Variants in IL10RA observed in about 807,000 individuals in gnomAD.
IL10RA encodes interleukin-10 receptor subunit alpha.
In IL10RA, 18 loss-of-function variants were observed where a neutral mutation model predicts 29.6. That is an observed-to-expected ratio of 0.61 (90% confidence interval 0.42 to 0.90). The LOEUF (loss-of-function observed/expected upper bound fraction) is 0.90, where lower values mean the gene tolerates loss of function less well. Ranked by LOEUF, IL10RA falls within the 40% of genes least tolerant of loss-of-function variation. The pLI, the probability that IL10RA is intolerant of heterozygous loss-of-function variation, is 0.00. For synonymous variants in IL10RA, 292 were observed against 294.1 expected (o/e 0.99, Z 0.07); for missense variants, 634 against 716.6 (o/e 0.88, Z 1.32).
rs752985366 is a variant in IL10RA at position 118,000,278 on chromosome 11, G to A, written c.*637G>A. ...GATTCACTGAGGGGAGACAAAGGGAGCCGAGACCCTGGATGGGGCTTCCAG... is the reference window on the plus strand; with the variant it reads ...GATTCACTGAGGGGAGACAAAGGGAACCGAGACCCTGGATGGGGCTTCCAG... On this transcript the variant is annotated 3_prime_UTR_variant, in exon 7 of 7. Transcript: ENST00000227752. 2 of 454,224 alleles carry A rather than the reference G, an allele frequency of 4.4e-6. No individual in the cohort carries two copies. The highest frequency in any genetic ancestry group is 1.6e-5 in the South Asian group (1 of 64,472). The allele number at this position is 454,224 out of a possible 1,614,324, so 28.1% of individuals were successfully genotyped here.
chr11:117,993,916 C>A, intron 4 of IL10RA, 83 bp from the exon 5 acceptor site: 1 of 1,230,442 alleles, frequency 8.1e-7, no homozygotes, highest in Non-Finnish European at 1.2e-6. Context: ...TGGCTGAAAT[C>A]ACCTCTAAAG....
intron 6 of IL10RA, among the ~76,000 whole-genome samples, chr11:117,998,251 C>T (rs2058068673): frequency 6.6e-6 from 1 of 152,178 alleles, no homozygotes; most frequent in Non-Finnish European, 1.5e-5. Flanking sequence ...GCAGAAATAT[C>T]GTGGCACAGC....
In IL10RA at chr11:118,001,258, G is replaced by A. The variant is rs779325158; in HGVS notation, c.*1617G>A. On this transcript the variant is annotated 3_prime_UTR_variant, in exon 7 of 7. Coordinates refer to ENST00000227752, the MANE Select transcript of IL10RA (RefSeq NM_001558.4). The stretch of plus-strand genomic sequence containing the variant: ...GAATTCTGGATATCTCAGGAGCCCC[G>A]AAATTCTAGCTCTGACTTTGCTGTT... 1.1e-5 allele frequency: 5 copies of A among 454,002 alleles called. No homozygotes were observed. Among genetic ancestry groups the A allele is most frequent in the South Asian group, 3.1e-5 (2 of 64,480 alleles). 28.1% of individuals were successfully genotyped at this position (454,002 alleles called of 1,614,324 possible).
chr11:117,995,569 A>G lies in IL10RA; in HGVS notation c.689-20A>G. Reference sequence around the variant, plus strand: ...TGCCCCATGGTGACAGGCCACAAACACATCTCTCTGGGCCTGCAGATTTCA... The same window carrying G: ...TGCCCCATGGTGACAGGCCACAAACGCATCTCTCTGGGCCTGCAGATTTCA... On this transcript the variant is annotated intron_variant, in intron 5 of 6. Transcript: ENST00000227752. 3.1e-6 allele frequency: 5 copies of G among 1,614,132 alleles called. No homozygotes were observed. Among genetic ancestry groups the G allele is most frequent in the Non-Finnish European group, 4.2e-6 (5 of 1,180,020 alleles).
At chr11:117,988,222 C>A in intron 1 of IL10RA, 160 bp from the exon 2 acceptor site, 1 of 821,200 alleles carries the variant, frequency 1.2e-6, no homozygotes, top group Non-Finnish European at 2.0e-6. Context: ...GCTCTAGAAT[C>A]AGACACATGT....
At chr11:117,986,889 AT>A in intron 1 of IL10RA, 2 of 1,285,472 alleles carry the variant, frequency 1.6e-6, no homozygotes, top group Non-Finnish European at 2.1e-6. Flanking sequence ...AATAATTTTG[AT>A]CTCCTGACTC....
At chr11:117,990,221 T>C (rs1591261982) in intron 3 of IL10RA, among the ~76,000 whole-genome samples, 1 of 152,204 alleles carries the variant, frequency 6.6e-6, no homozygotes, top group African/African-American at 2.4e-5. Context: ...GGCTTCCAAA[T>C]GCCTGCCCAC....
chr11:117,989,834 T>C lies in IL10RA; in HGVS notation c.367+214T>C, dbSNP rs148110829. The C allele has an allele frequency of 5.4e-5, 34 of 625,246 alleles. No individual in the cohort carries two copies. The East Asian group carries it at 9.5e-4, about 17-fold the overall frequency. 38.7% of individuals were successfully genotyped at this position (625,246 alleles called of 1,614,324 possible). A position where few individuals can be genotyped will look rare whatever the true frequency, so the allele number is the denominator to read the frequency against. On this transcript the variant is annotated intron_variant, in intron 3 of 6. Transcript: ENST00000227752. This position sits in a 1 kb window ranked among gnomAD's most constrained non-coding sequence, Gnocchi z 4.5. ...TTTAAAAGGGAACTGGAGTTGTTTA[T>C]CCTACAGAAGAGAGGTCTTGGGGTG... is the stretch of plus-strand genomic sequence containing the variant.
chr11:118,001,635 G>A, downstream of IL10RA: 1 of 349,926 alleles, frequency 2.9e-6, no homozygotes, highest in Non-Finnish European at 5.6e-6. Flanking sequence ...GACCCAGGGA[G>A]TCCTCATGCT....
Position 117,999,221 on chromosome 11 carries a change from T to C in IL10RA, c.1317T>C (p.Ala439=). The change falls in exon 7 of 7, where the codon GCT becomes GCC. Residue 439 remains alanine, a synonymous_variant. Coordinates refer to ENST00000227752, the MANE Select transcript of IL10RA (RefSeq NM_001558.4). ...EPEVPGEEDP[A]AVAFQGYLRQ... ...AGGTGCCTGGGGAAGAAGACCCAGC[T>C]GCTGTGGCATTCCAGGGTTACCTGA... is the stretch of plus-strand genomic sequence containing the variant. 1 of 1,614,242 alleles carries C rather than the reference T, an allele frequency of 6.2e-7. No individual in the cohort carries two copies. Among genetic ancestry groups the C allele is most frequent in the Non-Finnish European group, 8.5e-7 (1 of 1,180,028 alleles).
chr11:117,991,607 T>C (rs1259584100), intron 3 of IL10RA, among the ~76,000 whole-genome samples: 1 of 152,236 alleles, frequency 6.6e-6, no homozygotes, highest in Non-Finnish European at 1.5e-5. Context: ...CTTCTATGAA[T>C]TGAATTCTAA....
intron 3 of IL10RA, 110 bp from the exon 4 acceptor site, chr11:117,993,131 C>A: frequency 1.0e-6 from 1 of 998,342 alleles, no homozygotes; most frequent in East Asian, 2.4e-5. Context: ...AAGTTTTAGG[C>A]CTAGGTTCTA....
In IL10RA at chr11:117,988,426, T is replaced by A. The variant is rs1483446748; in HGVS notation, c.112T>A (p.Phe38Ile). The change falls in exon 2 of 7, where the codon TTT becomes ATT. Residue 38 changes from phenylalanine (F) to isoleucine (I), a missense_variant. Physicochemically the swap from Phe to Ile is conservative, Grantham distance 21. Coordinates refer to ENST00000227752, the MANE Select transcript of IL10RA (RefSeq NM_001558.4). ...SPPSVWFEAE[F>I]FHHILHWTPI... ...TCCGTCTGTGTGGTTTGAAGCAGAATTTTTCCACCACATCCTCCACTGGAC... is the reference window on the plus strand; with the variant it reads ...TCCGTCTGTGTGGTTTGAAGCAGAAATTTTCCACCACATCCTCCACTGGAC... 12 of 1,614,086 alleles carry A rather than the reference T, an allele frequency of 7.4e-6. No homozygotes were observed. The highest frequency in any genetic ancestry group is 1.0e-5 in the Non-Finnish European group (12 of 1,179,980).
rs748428395 is a variant in IL10RA, at chr11:117,986,513, C to T, written c.46C>T (p.Arg16Cys). The T allele has an allele frequency of 1.4e-5, 22 of 1,555,750 alleles. No homozygotes were observed. Among genetic ancestry groups the T allele is most frequent in the Middle Eastern group, 3.4e-4 (2 of 5,954 alleles). The part of the protein sequence containing the change: ...VVLLAALLSL[R>C]LGSDAHGTEL... ...GCTGCTGGCGGCGCTCCTCAGCCTC[C>T]GTCTTGGCTCAGACGCTCATGGTAA... The change falls in exon 1 of 7, where the codon CGT (arginine) becomes TGT (cysteine). Residue 16 changes from arginine to cysteine, a missense_variant. Transcript: ENST00000227752.
Position 117,999,375 on chromosome 11 carries a change from G to T in IL10RA, c.1471G>T (p.Ala491Ser), listed in dbSNP as rs774646803. Residue 491 changes from alanine to serine, a missense_variant, in exon 7 of 7, where the codon GCC becomes TCC. Transcript: ENST00000227752. ...LVDEAGLHPPALAKGYLKQDP... is the reference protein window; with the variant it reads ...LVDEAGLHPPSLAKGYLKQDP... Reference sequence around the variant, plus strand: ...TGATGAGGCAGGCTTGCATCCACCAGCCCTGGCCAAGGGCTATTTGAAACA... The same window carrying T: ...TGATGAGGCAGGCTTGCATCCACCATCCCTGGCCAAGGGCTATTTGAAACA... The T allele has an allele frequency of 1.2e-6, 2 of 1,614,202 alleles. No individual in the cohort carries two copies. The highest frequency in any genetic ancestry group is 2.2e-5 in the South Asian group (2 of 91,086).
At position 117,994,053 on chromosome 11, in the gene IL10RA, G is replaced by A. The variant is rs761879815; in HGVS notation, c.592G>A (p.Val198Met). ...CTTCAGCCTCCTAACCTCTGGAGAAGTGGGAGAGTTCTGTGTCCAGGTGAA... is the reference window on the plus strand; with the variant it reads ...CTTCAGCCTCCTAACCTCTGGAGAAATGGGAGAGTTCTGTGTCCAGGTGAA... ...ENFSLLTSGEVGEFCVQVKPS... is the reference protein window; with the variant it reads ...ENFSLLTSGEMGEFCVQVKPS... Residue 198 changes from valine to methionine, a missense_variant, in exon 5 of 7, where the codon GTG (valine) becomes ATG (methionine). Val to Met is a conservative substitution (Grantham distance 21). Transcript: ENST00000227752. 3.7e-6 allele frequency: 6 copies of A among 1,614,042 alleles called. No homozygotes were observed. The highest frequency in any genetic ancestry group is 5.1e-6 in the Non-Finnish European group (6 of 1,179,870).
chr11:118,001,109 C>G lies in IL10RA; in HGVS notation c.*1468C>G, dbSNP rs531035604. On this transcript the variant is annotated 3_prime_UTR_variant, in exon 7 of 7. Transcript: ENST00000227752. ...CCTCTGCCAAAGTACTCTTAGGTGC[C>G]AGTCTGGTAACTGAACTCCCTCTGG... 3.5e-5 allele frequency: 16 copies of G among 454,270 alleles called. 1 individual carries two copies. The highest frequency in any genetic ancestry group is 2.5e-4 in the South Asian group (16 of 64,470). 28.1% of individuals were successfully genotyped at this position (454,270 alleles called of 1,614,324 possible).
At chr11:117,994,597 C>T (rs2058044476) in intron 5 of IL10RA, among the ~76,000 whole-genome samples, 1 of 152,198 alleles carries the variant, frequency 6.6e-6, no homozygotes, top group Non-Finnish European at 1.5e-5. Context: ...GCAAATACTG[C>T]TCCAGGCTGT....
chr11:118,001,580 T>A (rs758946248), downstream of IL10RA: 3 of 363,926 alleles, frequency 8.2e-6, no homozygotes, highest in Non-Finnish European at 1.1e-5. Context: ...ATGTGTGATG[T>A]CACTTTAAGG....
Sources: gnomAD v4.1 joint callset for allele counts (sites outside exome capture counted in the v4.1 genomes callset) on GRCh38, gnomAD v4.1.1 for gene constraint, Gnocchi (gnomAD v3.1) non-coding constraint, MANE v1.5 for transcripts, NCBI Gene and HGNC (gene_info 2026-07-23, HGNC 2026-07-21) for gene names.